RBBP6: variants seen among roughly 807,000 people sequenced by gnomAD.
RBBP6 encodes E3 ubiquitin-protein ligase RBBP6.
RBBP6 carries 25 observed loss-of-function variants against 167.7 expected under a neutral mutation model. That is an observed-to-expected ratio of 0.15 (90% confidence interval 0.11 to 0.21). The LOEUF (loss-of-function observed/expected upper bound fraction) is 0.21. Ranked by LOEUF, RBBP6 falls within the 10% of genes least tolerant of loss-of-function variation. The pLI, the probability that RBBP6 is intolerant of heterozygous loss-of-function variation, is 1.00. For synonymous variants in RBBP6, 789 were observed against 735.8 expected, an observed-to-expected ratio of 1.07 and a Z score of -1.17; for missense variants, 1,868 against 2,134.2, an observed-to-expected ratio of 0.88 and a Z score of 2.46.
intron 14 of RBBP6, among the ~76,000 whole-genome samples, chr16:24,565,114 G>A (rs1899161719): frequency 6.6e-6 from 1 of 152,100 alleles, no homozygotes; most frequent in African/African-American, 2.4e-5. Flanking sequence ...CTCCCTGTCA[G>A]CAAACAGCAG....
Position 24,571,651 on chromosome 16 carries a change from T to G in RBBP6, c.4585T>G (p.Ser1529Ala), listed in dbSNP as rs1304803649. Residue 1529 changes from serine to alanine, a missense_variant, in exon 18 of 18, where the codon TCC (serine) becomes GCC (alanine). Coordinates refer to ENST00000319715, the MANE Select transcript of RBBP6 (RefSeq NM_006910.5). ...RDLPKKGTGD[S>A]KKSNSSPSRD... ...TTTGCCTAAAAAAGGAACAGGAGAT[T>G]CCAAAAAAAGTAATTCTAGTCCCTC... 1 of 1,612,956 alleles carries G rather than the reference T, an allele frequency of 6.2e-7. No individual in the cohort carries two copies. The highest frequency in any genetic ancestry group is 1.1e-5 in the South Asian group (1 of 90,760).
rs1050068316 is a variant in RBBP6 at position 24,569,213 on chromosome 16, T to C, written c.2523T>C (p.Tyr841=). ...ERKYREWYEK[Y]YKGYAAGAQP... The stretch of plus-strand genomic sequence containing the variant: ...AATATAGAGAGTGGTATGAAAAATA[T>C]TATAAAGGTTATGCTGCTGGAGCAC... The change falls in exon 17 of 18, where the codon TAT becomes TAC. Residue 841 remains tyrosine (Y), a synonymous_variant. Coordinates refer to ENST00000319715, the MANE Select transcript of RBBP6 (RefSeq NM_006910.5). 32 of 1,613,426 alleles carry C rather than the reference T, an allele frequency of 2.0e-5. No individual in the cohort carries two copies. In the Admixed American group the frequency reaches 5.3e-4, roughly 27 times the overall value.
intron 1 of RBBP6, among the ~76,000 whole-genome samples, chr16:24,541,203 A>C (rs1242425892): frequency 5.7e-5 from 5 of 87,934 alleles, no homozygotes; most frequent in African/African-American, 1.1e-4. Context: ...CAAAAAAAAA[A>C]CCAAAAAAAC....
At position 24,567,771 on chromosome 16, in the gene RBBP6, TCTTTAA is replaced by T; in HGVS notation, c.1953-15_1953-10del. 2 of 1,569,230 alleles carry T rather than the reference TCTTTAA, an allele frequency of 1.3e-6. No homozygotes were observed. Among genetic ancestry groups the T allele is most frequent in the African/African-American group, 1.4e-5 (1 of 73,148 alleles). On this transcript the variant is annotated splice_polypyrimidine_tract_variant and intron_variant, in intron 15 of 17. Transcript: ENST00000319715. ...TTAAATGGTTTTTGTTAACTTTCAC[TCTTTAA>T]CTTTATTTTACTAGGGAAAAGAAAA...
At chr16:24,543,259 T>A (rs1052812613) in intron 1 of RBBP6, among the ~76,000 whole-genome samples, 1 of 152,178 alleles carries the variant, frequency 6.6e-6, no homozygotes, top group South Asian at 2.1e-4. Flanking sequence ...CCTTACAGTT[T>A]TGGAATTATG....
At chr16:24,563,402 T>C in intron 11 of RBBP6, 21 bp from the exon 12 acceptor site, 1 of 1,575,532 alleles carries the variant, frequency 6.3e-7, no homozygotes, top group Non-Finnish European at 8.6e-7. Flanking sequence ...TATTTCTGTT[T>C]ATTTGTGGTT....
rs1898462115 is a variant in RBBP6, at chr16:24,540,652, C to T, written c.26C>T (p.Ser9Phe). The T allele has an allele frequency of 2.5e-6, 4 of 1,613,838 alleles. No individual in the cohort carries two copies. The highest frequency in any genetic ancestry group is 2.5e-6 in the Non-Finnish European group (3 of 1,179,922). The change falls in exon 1 of 18, where the codon TCC (serine) becomes TTC (phenylalanine). Residue 9 changes from serine to phenylalanine, a missense_variant. Physicochemically the swap from Ser to Phe is radical, Grantham distance 155. This residue lies in a region of RBBP6 where 184 missense variants were observed against 327.7 expected (regional missense o/e 0.56). Transcript: ENST00000319715. ...ATGTCCTGTGTGCATTATAAATTTT[C>T]CTCTAAACTCAACTATGATACCGTC... MSCVHYKF[S>F]SKLNYDTVTF...
At chr16:24,541,085 A>C (rs535484495) in intron 1 of RBBP6, among the ~76,000 whole-genome samples, 2 of 150,102 alleles carry the variant, frequency 1.3e-5, no homozygotes, top group African/African-American at 4.9e-5. Context: ...GGGGATAGCT[A>C]TCTAGACTCT....
Position 24,571,648 on chromosome 16 carries a change from G to C in RBBP6, c.4582G>C (p.Asp1528His), listed in dbSNP as rs770447240. ...AGATTTGCCTAAAAAAGGAACAGGA[G>C]ATTCCAAAAAAAGTAATTCTAGTCC... ...ERDLPKKGTGDSKKSNSSPSR... is the reference protein window; with the variant it reads ...ERDLPKKGTGHSKKSNSSPSR... The change falls in exon 18 of 18, where the codon GAT (aspartate) becomes CAT (histidine). Residue 1528 changes from aspartate to histidine, a missense_variant. Asp to His is a moderately conservative substitution (Grantham distance 81). Transcript: ENST00000319715. 1.9e-6 allele frequency: 3 copies of C among 1,613,256 alleles called. No individual in the cohort carries two copies. The South Asian group carries it at 3.3e-5, about 18-fold the overall frequency.
At chr16:24,563,553 A>G (rs779008416) in intron 12 of RBBP6, 52 bp downstream of exon 12, 55 of 1,610,808 alleles carry the variant, frequency 3.4e-5, no homozygotes, top group Non-Finnish European at 4.4e-5. Flanking sequence ...AAATAATTTT[A>G]GCTTGATTTA....
intron 1 of RBBP6, among the ~76,000 whole-genome samples, chr16:24,542,898 C>T (rs1443225941): frequency 1.3e-5 from 2 of 152,038 alleles, no homozygotes; most frequent in African/African-American, 2.4e-5. Flanking sequence ...TGTGTTTTTG[C>T]CCAGCACATT....
chr16:24,570,331 A>G lies in RBBP6; in HGVS notation c.3641A>G (p.Glu1214Gly). ...GCCAAAAAAATCAAACTCAACAGAG[A>G]AACTGGGAAGAAAATTGGAAGTACA... ...APAKKIKLNR[E>G]TGKKIGSTEN... The change falls in exon 17 of 18, where the codon GAA (glutamate) becomes GGA (glycine). Residue 1214 changes from glutamate (E) to glycine (G), a missense_variant. Around this residue, in one of 7 missense-constraint regions of RBBP6, gnomAD observed 673 missense variants for 691.5 expected, o/e 0.97. Transcript: ENST00000319715. The G allele has an allele frequency of 1.2e-6, 2 of 1,612,174 alleles. No homozygotes were observed. The highest frequency in any genetic ancestry group is 1.7e-4 in the Middle Eastern group (1 of 6,054).
At chr16:24,548,391 T>C (rs371792657) in intron 2 of RBBP6, among the ~76,000 whole-genome samples, 10 of 151,636 alleles carry the variant, frequency 6.6e-5, no homozygotes, top group African/African-American at 2.4e-4. Context: ...ACTCCTGGGC[T>C]CAAGTGATCC....
chr16:24,571,079 C>A lies in RBBP6; in HGVS notation c.4013C>A (p.Pro1338His), dbSNP rs750534038. ...SEEEDVKSTQ[P>H]ISSVGKPASV... ...GAAGAAGATGTTAAATCCACACAGCCTATATCAAGTGTAGGAAAACCTGCT... is the reference window on the plus strand; with the variant it reads ...GAAGAAGATGTTAAATCCACACAGCATATATCAAGTGTAGGAAAACCTGCT... The change falls in exon 18 of 18, where the codon CCT (proline) becomes CAT (histidine). Residue 1338 changes from proline to histidine, a missense_variant. By Grantham distance (77) the Pro-to-His change is moderately conservative. Coordinates refer to ENST00000319715, the MANE Select transcript of RBBP6 (RefSeq NM_006910.5). The A allele has an allele frequency of 1.6e-5, 25 of 1,612,230 alleles. No individual in the cohort carries two copies. The highest frequency in any genetic ancestry group is 2.1e-5 in the Non-Finnish European group (25 of 1,178,578).
In RBBP6 at chr16:24,572,058, C is replaced by A; in HGVS notation, c.4992C>A (p.Asp1664Glu). 1 of 1,614,022 alleles carries A rather than the reference C, an allele frequency of 6.2e-7. No individual in the cohort carries two copies. ...AATCTTCAGGAAACATTTCTAAGGA[C>A]CTGAAAGATAAAATAGTGGAGAAAG... ...EEESSGNISK[D>E]LKDKIVEKAK... is the part of the protein sequence containing the mutation. The change falls in exon 18 of 18, where the codon GAC becomes GAA. Residue 1664 changes from aspartate to glutamate, a missense_variant. Asp to Glu is a conservative substitution (Grantham distance 45). Transcript: ENST00000319715.
rs1899276894 is a variant in RBBP6, at chr16:24,569,571, A to G, written c.2881A>G (p.Arg961Gly). 1 of 1,612,626 alleles carries G rather than the reference A, an allele frequency of 6.2e-7. No individual in the cohort carries two copies. ...PELLETSRKS[R>G]EPTGVEENKT... ...GTTATTAGAGACTTCTAGGAAATCA[A>G]GAGAACCTACAGGTGTTGAAGAAAA... The change falls in exon 17 of 18, where the codon AGA becomes GGA. Residue 961 changes from arginine to glycine, a missense_variant. Physicochemically the swap from Arg to Gly is moderately radical, Grantham distance 125. This residue lies in a region of RBBP6 where 673 missense variants were observed against 691.5 expected (regional missense o/e 0.97). Transcript: ENST00000319715.
rs778440033 is a variant in RBBP6, at chr16:24,569,275, C to T, written c.2585C>T (p.Pro862Leu). Reference sequence around the variant, plus strand: ...TCAGCAAATAGAGAGAACTTTTCTCCAGAGAGATTTTTGCCACTTAACATC... The same window carrying T: ...TCAGCAAATAGAGAGAACTTTTCTCTAGAGAGATTTTTGCCACTTAACATC... ...RPSANRENFS[P>L]ERFLPLNIRN... Residue 862 changes from proline to leucine, a missense_variant, in exon 17 of 18, where the codon CCA (proline) becomes CTA (leucine). By Grantham distance (98) the Pro-to-Leu change is moderately conservative (BLOSUM62 -3). Coordinates refer to ENST00000319715, the MANE Select transcript of RBBP6 (RefSeq NM_006910.5). 6.2e-7 allele frequency: 1 copy of T among 1,612,138 alleles called. No homozygotes were observed. The highest frequency in any genetic ancestry group is 1.7e-5 in the Admixed American group (1 of 59,402).
rs773916079 is a variant in RBBP6 at position 24,569,584 on chromosome 16, G to A, written c.2894G>A (p.Gly965Asp). Residue 965 changes from glycine (G) to aspartate (D), a missense_variant, in exon 17 of 18, where the codon GGT becomes GAT. Transcript: ENST00000319715. ...TCTAGGAAATCAAGAGAACCTACAG[G>A]TGTTGAAGAAAATAAAACAGACTCA... is the stretch of plus-strand genomic sequence containing the variant. ...ETSRKSREPT[G>D]VEENKTDSLF... 2.5e-6 allele frequency: 4 copies of A among 1,612,682 alleles called. No homozygotes were observed. The Admixed American group carries it at 6.7e-5, about 27-fold the overall frequency.
intron 7 of RBBP6, among the ~76,000 whole-genome samples, chr16:24,559,010 G>A (rs17830478): frequency 6.6e-6 from 1 of 151,978 alleles, no homozygotes; most frequent in African/African-American, 2.4e-5. Context: ...TTAATTTCCC[G>A]TCTTGTGGCA....
Sources: gnomAD v4.1 joint callset for allele counts (sites outside exome capture counted in the v4.1 genomes callset) on GRCh38, gnomAD v4.1.1 for gene constraint, gnomAD v4.1.1 regional missense constraint, MANE v1.5 for transcripts, NCBI Gene and HGNC (gene_info 2026-07-23, HGNC 2026-07-21) for gene names.